Variants in NUMB observed in about 807,000 individuals in gnomAD.
NUMB encodes protein numb homolog.
A neutral mutation model predicts 59.7 loss-of-function variants in NUMB; 29 were observed. The observed-to-expected ratio is 0.49, with a 90% CI of 0.36 to 0.66. The LOEUF (loss-of-function observed/expected upper bound fraction) is 0.66, where lower values mean the gene tolerates loss of function less well. Among genes scored for constraint, NUMB ranks in the 30% least tolerant of loss-of-function variants. The pLI is 0.00. For missense variants in NUMB, 723 were observed against 822.0 expected (o/e 0.88, Z 1.47); for synonymous variants, 288 against 288.2 (o/e 1.00, Z 0.01).
intron 1 of NUMB, among the ~76,000 whole-genome samples, chr14:73,411,260 C>G (rs996095493): frequency 2.0e-5 from 3 of 152,028 alleles, no homozygotes; most frequent in Non-Finnish European, 4.4e-5. Context: ...CACTATGTTG[C>G]GCAGGCTGAA....
chr14:73,339,925 T>C (rs977353754), intron 4 of NUMB, among the ~76,000 whole-genome samples: 6 of 150,956 alleles, frequency 4.0e-5, no homozygotes, highest in Non-Finnish European at 7.4e-5. Context: ...GCTGCTGGCC[T>C]GGGGAAGTTG....
At chr14:73,286,423 A>G (rs1467631048) in intron 9 of NUMB, 1 of 152,268 alleles carries the variant, frequency 6.6e-6, no homozygotes, top group Non-Finnish European at 1.5e-5. Context: ...ACAAGAATTC[A>G]AAAGTATTTT....
chr14:73,420,300 C>CA (rs1897302756), intron 1 of NUMB, among the ~76,000 whole-genome samples: 1 of 152,218 alleles, frequency 6.6e-6, no homozygotes, highest in African/African-American at 2.4e-5. Flanking sequence ...TCAACAGACT[C>CA]ACACTCCAAA....
At chr14:73,312,414 C>T (rs144941678) in intron 6 of NUMB, among the ~76,000 whole-genome samples, 34 of 151,958 alleles carry the variant, frequency 2.2e-4, no homozygotes, top group African/African-American at 7.2e-4. Context: ...AGGCATACAA[C>T]ACATAAGCCA....
At chr14:73,439,943 G>A (rs930346938) in intron 1 of NUMB, among the ~76,000 whole-genome samples, 2 of 152,098 alleles carry the variant, frequency 1.3e-5, no homozygotes, top group African/African-American at 2.4e-5. Context: ...TACCGTTCAA[G>A]TATAAGGTTA....
At chr14:73,313,963 G>A (rs758252613) in intron 6 of NUMB, among the ~76,000 whole-genome samples, 1 of 152,040 alleles carries the variant, frequency 6.6e-6, no homozygotes, top group Admixed American at 6.6e-5. Context: ...GGCACATGCC[G>A]AGGCGGGCAG....
chr14:73,351,388 T>C (rs1367044880), intron 4 of NUMB, among the ~76,000 whole-genome samples: 1 of 151,816 alleles, frequency 6.6e-6, no homozygotes, highest in Non-Finnish European at 1.5e-5. Flanking sequence ...AGGAGCATCA[T>C]TTGAACCCTA....
intron 1 of NUMB, among the ~76,000 whole-genome samples, chr14:73,433,778 C>G (rs1185725045): frequency 6.6e-6 from 1 of 151,512 alleles, no homozygotes; most frequent in African/African-American, 2.4e-5. Flanking sequence ...AAACTGATAG[C>G]CTATTTGCAA....
chr14:73,277,010 G>A lies in NUMB; in HGVS notation c.1524C>T (p.Ala508=), dbSNP rs374413980. 8 of 1,614,170 alleles carry A rather than the reference G, an allele frequency of 5.0e-6. No homozygotes were observed. Among genetic ancestry groups the A allele is most frequent in the East Asian group, 2.2e-5 (1 of 44,888 alleles). ...VPALQPAFVP[A]QSYPVANGMP... The stretch of plus-strand genomic sequence containing the variant: ...TTCCATTGGCCACAGGATAGGACTG[G>A]GCAGGGACAAAGGCTGGTTGCAGGG... The change falls in exon 13 of 13, where the codon GCC becomes GCT. Residue 508 remains alanine, a synonymous_variant. Coordinates refer to ENST00000555238, the MANE Select transcript of NUMB (RefSeq NM_001005743.2).
At chr14:73,330,662 T>C (rs1422972278) in intron 4 of NUMB, among the ~76,000 whole-genome samples, 4 of 152,198 alleles carry the variant, frequency 2.6e-5, no homozygotes, top group Non-Finnish European at 5.9e-5. Flanking sequence ...GCCCCACACA[T>C]AGCAAATACT....
chr14:73,317,277 AT>A (rs1415149679), intron 5 of NUMB, among the ~76,000 whole-genome samples: 14 of 151,156 alleles, frequency 9.3e-5, no homozygotes, highest in African/African-American at 3.4e-4. Flanking sequence ...TATAAAAGCT[AT>A]TGCTTATTAT....
chr14:73,376,247 TA>T (rs1424282860), intron 2 of NUMB, among the ~76,000 whole-genome samples: 6 of 152,226 alleles, frequency 3.9e-5, no homozygotes, highest in Admixed American at 3.3e-4. Flanking sequence ...ATCACTTTCC[TA>T]TATACCAGTA....
intron 3 of NUMB, among the ~76,000 whole-genome samples, chr14:73,362,400 G>A (rs929519874): frequency 1.3e-5 from 2 of 151,768 alleles, no homozygotes; most frequent in African/African-American, 4.8e-5. Context: ...GGAGGAAAAG[G>A]GGGAGGAGGA....
intron 4 of NUMB, among the ~76,000 whole-genome samples, chr14:73,345,885 G>C (rs755100077): frequency 4.0e-5 from 6 of 151,730 alleles, no homozygotes; most frequent in Admixed American, 6.6e-5. Flanking sequence ...TCCGCCCTGG[G>C]GGACAAGAAC....
chr14:73,360,770 G>A lies in NUMB; in HGVS notation c.-15-5004C>T, dbSNP rs974880978. On this transcript the variant is annotated intron_variant, in intron 3 of 12. Transcript: ENST00000555238. ...CTTCACTCTCAACCTAAAAGTTGAC[G>A]TCTTTTTCTACTTTCTAAATACCAT... 2.0e-5 allele frequency among the ~76,000 whole-genome samples: 3 copies of A among 151,992 alleles called. No homozygotes were observed. The East Asian group carries it at 5.8e-4, about 29-fold the overall frequency.
At chr14:73,335,372 T>G (rs1310074600) in intron 4 of NUMB, among the ~76,000 whole-genome samples, 1 of 150,352 alleles carries the variant, frequency 6.7e-6, no homozygotes, top group Non-Finnish European at 1.5e-5. Flanking sequence ...TGAACTATTA[T>G]AGAAACGTGG....
chr14:73,369,859 C>T (rs1894575085), intron 2 of NUMB, among the ~76,000 whole-genome samples: 1 of 152,138 alleles, frequency 6.6e-6, no homozygotes, highest in South Asian at 2.1e-4. Context: ...CCTAGAAGCT[C>T]CTCTATGTTC....
At chr14:73,307,737 T>C (rs1023903573) in intron 6 of NUMB, among the ~76,000 whole-genome samples, 5 of 143,628 alleles carry the variant, frequency 3.5e-5, no homozygotes, top group Non-Finnish European at 6.1e-5. Flanking sequence ...TCTTTTTTTT[T>C]TTTTTTTTTT....
intron 12 of NUMB, 42 bp from the exon 13 acceptor site, chr14:73,277,335 C>T (rs753897207): frequency 7.1e-7 from 1 of 1,401,008 alleles, no homozygotes; most frequent in East Asian, 2.4e-5. Flanking sequence ...CAGTTAGGGG[C>T]ATCTTTCCTC....
Sources: gnomAD v4.1 joint callset for allele counts (sites outside exome capture counted in the v4.1 genomes callset) on GRCh38, gnomAD v4.1.1 for gene constraint, MANE v1.5 for transcripts, NCBI Gene and HGNC (gene_info 2026-07-23, HGNC 2026-07-21) for gene names.